Variants in BTBD9 observed in about 807,000 individuals in gnomAD.
BTBD9 encodes BTB domain containing 9.
Under a neutral mutation model 64.3 loss-of-function variants are expected in BTBD9, and 49 were observed. That is an observed-to-expected ratio of 0.76 (90% CI 0.61 to 0.97). The LOEUF is 0.97. Ranked by LOEUF, BTBD9 falls within the 50% of genes least tolerant of loss-of-function variation. BTBD9 has a pLI of 0.00. For missense variants in BTBD9, 598 were observed against 762.1 expected (o/e 0.78, Z 2.53); for synonymous variants, 260 against 274.7 (o/e 0.95, Z 0.53).
At chr6:38,444,556 C>A (rs1769186312) in intron 6 of BTBD9, among the ~76,000 whole-genome samples, 1 of 152,118 alleles carries the variant, frequency 6.6e-6, no homozygotes, top group Non-Finnish European at 1.5e-5. Context: ...GACTCTGGAG[C>A]CAGACCACCC....
chr6:38,368,903 G>A (rs1426823084), intron 6 of BTBD9, among the ~76,000 whole-genome samples: 4 of 152,156 alleles, frequency 2.6e-5, no homozygotes, highest in East Asian at 1.9e-4. Flanking sequence ...AGGCTCAGAT[G>A]TGTAGGCTGA....
intron 7 of BTBD9, among the ~76,000 whole-genome samples, chr6:38,314,853 A>G (rs373530361): frequency 6.6e-6 from 1 of 151,860 alleles, no homozygotes; most frequent in African/African-American, 2.4e-5. Flanking sequence ...CTGATTAATT[A>G]ATTTATTTAT....
At position 38,446,949 on chromosome 6, in the gene BTBD9, T is replaced by C. The variant is rs113696285; in HGVS notation, c.1155-101856A>G. On this transcript the variant is annotated intron_variant, in intron 6 of 10. Coordinates refer to ENST00000481247, the MANE Select transcript of BTBD9 (RefSeq NM_001099272.2). ...AGGGCAGGCAAAATTCCTGTACACATGGCTAATTAGAAAGTCTGAATGATC... is the reference window on the plus strand; with the variant it reads ...AGGGCAGGCAAAATTCCTGTACACACGGCTAATTAGAAAGTCTGAATGATC... Among the ~76,000 whole-genome samples the C allele has an allele frequency of 7.3e-3, 1,112 of 152,328 alleles. 9 individuals are homozygous for C. Among genetic ancestry groups the C allele is most frequent in the African/African-American group, 0.025 (1,052 of 41,566 alleles).
intron 6 of BTBD9, among the ~76,000 whole-genome samples, chr6:38,495,855 GTC>G (rs1439997165): frequency 6.6e-6 from 1 of 152,100 alleles, no homozygotes; most frequent in African/African-American, 2.4e-5. Context: ...GAATAAGAAT[GTC>G]TTACTTATCC....
At chr6:38,533,203 A>C (rs1333641214) in intron 6 of BTBD9, among the ~76,000 whole-genome samples, 1 of 152,122 alleles carries the variant, frequency 6.6e-6, no homozygotes, top group Non-Finnish European at 1.5e-5. Context: ...ATAGACTGAA[A>C]ATAAAGGGAT....
chr6:38,410,307 T>A (rs1767363160), intron 6 of BTBD9, among the ~76,000 whole-genome samples: 1 of 151,606 alleles, frequency 6.6e-6, no homozygotes, highest in South Asian at 2.1e-4. Context: ...GACCCCCACA[T>A]CTACAAAAAG....
intron 3 of BTBD9, 71 bp from the exon 4 acceptor site, chr6:38,592,911 T>C: frequency 6.7e-7 from 1 of 1,496,238 alleles, no homozygotes; most frequent in East Asian, 2.3e-5. Flanking sequence ...CAGTAAAAGC[T>C]TACAGGACAA....
At chr6:38,289,845 A>G (rs1049907725) in intron 7 of BTBD9, among the ~76,000 whole-genome samples, 1 of 152,142 alleles carries the variant, frequency 6.6e-6, no homozygotes, top group African/African-American at 2.4e-5. Flanking sequence ...TAAGTTCTCT[A>G]AACACTGAGA....
intron 6 of BTBD9, among the ~76,000 whole-genome samples, chr6:38,424,129 A>G (rs1332940776): frequency 6.6e-6 from 1 of 152,078 alleles, no homozygotes; most frequent in African/African-American, 2.4e-5. Context: ...TTGACTAATG[A>G]AAACTTGTGA....
chr6:38,543,271 C>T (rs1445295078), intron 6 of BTBD9, among the ~76,000 whole-genome samples: 1 of 152,234 alleles, frequency 6.6e-6, no homozygotes, highest in African/African-American at 2.4e-5. Flanking sequence ...GCCTATAACC[C>T]ACCCTCACCA....
intron 7 of BTBD9, among the ~76,000 whole-genome samples, chr6:38,312,498 G>A (rs1175044696): frequency 1.3e-5 from 2 of 152,158 alleles, no homozygotes. Context: ...GGCCTGGAGA[G>A]TTCTTTCAAT....
intron 6 of BTBD9, among the ~76,000 whole-genome samples, chr6:38,416,580 G>A (rs1189122194): frequency 4.2e-5 from 6 of 143,998 alleles, no homozygotes; most frequent in African/African-American, 1.0e-4. Flanking sequence ...TCCTGACCTC[G>A]TGATCCGCCT....
intron 9 of BTBD9, among the ~76,000 whole-genome samples, chr6:38,254,754 G>A (rs1395538841): frequency 6.6e-6 from 1 of 152,134 alleles, no homozygotes; most frequent in Non-Finnish European, 1.5e-5. Context: ...TCAAAAAGAT[G>A]GGCAATAGCA....
At chr6:38,392,016 T>C (rs1766439925) in intron 6 of BTBD9, among the ~76,000 whole-genome samples, 1 of 152,184 alleles carries the variant, frequency 6.6e-6, no homozygotes, top group Admixed American at 6.5e-5. Context: ...GATGTCTCTT[T>C]GGATCACATG....
intron 9 of BTBD9, among the ~76,000 whole-genome samples, chr6:38,237,497 C>T (rs749746061): frequency 3.9e-5 from 6 of 152,162 alleles, no homozygotes; most frequent in African/African-American, 1.4e-4. Context: ...TGGCAGTCCC[C>T]GGTGATCATG....
At chr6:38,455,132 T>C (rs1769738175) in intron 6 of BTBD9, among the ~76,000 whole-genome samples, 1 of 152,232 alleles carries the variant, frequency 6.6e-6, no homozygotes, top group Admixed American at 6.5e-5. Flanking sequence ...TTTAAGTGTA[T>C]TTTAAAATTT....
chr6:38,523,162 G>A (rs781689120), intron 6 of BTBD9, among the ~76,000 whole-genome samples: 15 of 152,112 alleles, frequency 9.9e-5, no homozygotes, highest in Non-Finnish European at 1.9e-4. Flanking sequence ...CAGCCTGGGT[G>A]ACAGAGCAGG....
intron 8 of BTBD9, among the ~76,000 whole-genome samples, chr6:38,272,944 T>C (rs544005887): frequency 4.6e-5 from 7 of 152,324 alleles, no homozygotes; most frequent in African/African-American, 1.7e-4. Context: ...TTAGAGCTAT[T>C]GTTCTAGATC....
At chr6:38,438,394 G>A (rs12055647) in intron 6 of BTBD9, among the ~76,000 whole-genome samples, 2 of 152,226 alleles carry the variant, frequency 1.3e-5, no homozygotes, top group African/African-American at 4.8e-5. Context: ...ACAAGGTGCA[G>A]AGTATAGCTG....
Sources: allele counts gnomAD v4.1 joint callset (sites outside exome capture counted in the v4.1 genomes callset), GRCh38; gene constraint gnomAD v4.1.1; transcripts MANE v1.5; gene names NCBI Gene and HGNC (gene_info 2026-07-23, HGNC 2026-07-21).